IBTK: variants seen among roughly 807,000 people sequenced by gnomAD.
IBTK encodes the protein inhibitor of Bruton tyrosine kinase, also known as BTK-binding protein.
A neutral mutation model predicts 154.9 loss-of-function variants in IBTK; 83 were observed. The observed-to-expected ratio is 0.54, with a 90% CI of 0.45 to 0.64. The LOEUF (loss-of-function observed/expected upper bound fraction) is 0.64, where lower values mean the gene tolerates loss of function less well. IBTK is among the 30% of genes least tolerant of loss of function. IBTK has a pLI of 0.00. For missense variants in IBTK, 1,332 were observed against 1,584.6 expected (o/e 0.84, Z 2.71); for synonymous variants, 515 against 536.1 (o/e 0.96, Z 0.54).
In IBTK at chr6:82,212,719, C is replaced by G; in HGVS notation, c.2279G>C (p.Ser760Thr). ...AKNTGNKLKLSQKKCSFLCDV... is the reference protein window; with the variant it reads ...AKNTGNKLKLTQKKCSFLCDV... ...TTTCCTTACTTACCATTTTTTCTGACTTAGCTTCAGTTTATTACCAGTGTT... is the reference window on the plus strand; with the variant it reads ...TTTCCTTACTTACCATTTTTTCTGAGTTAGCTTCAGTTTATTACCAGTGTT... Residue 760 changes from serine (S) to threonine (T), a missense_variant, in exon 13 of 29, where the codon AGT (serine) becomes ACT (threonine). Ser to Thr is a moderately conservative substitution (Grantham distance 58). Transcript: ENST00000306270. The G allele has an allele frequency of 6.3e-7, 1 of 1,591,360 alleles. No homozygotes were observed. Among genetic ancestry groups the G allele is most frequent in the Non-Finnish European group, 8.6e-7 (1 of 1,159,758 alleles).
intron 25 of IBTK, among the ~76,000 whole-genome samples, chr6:82,186,744 T>A (rs1042641148): frequency 1.5e-4 from 23 of 152,100 alleles, no homozygotes. Context: ...AGATTACCCA[T>A]AACATCTATA....
intron 26 of IBTK, among the ~76,000 whole-genome samples, chr6:82,177,259 G>C (rs1283745643): frequency 6.6e-6 from 1 of 151,990 alleles, no homozygotes; most frequent in Non-Finnish European, 1.5e-5. Context: ...GCTCAGGCTG[G>C]AGTGCGGTGA....
At chr6:82,224,044 A>T (rs1770203928) in intron 7 of IBTK, 24 bp downstream of exon 7, 1 of 1,213,114 alleles carries the variant, frequency 8.2e-7, no homozygotes, top group Non-Finnish European at 1.2e-6. Flanking sequence ...TAATTTCCAG[A>T]TATTGTCATT....
At chr6:82,178,795 G>T (rs1351858940) in intron 26 of IBTK, among the ~76,000 whole-genome samples, 1 of 152,166 alleles carries the variant, frequency 6.6e-6, no homozygotes, top group Admixed American at 6.5e-5. Context: ...TAACTGAATA[G>T]ATATTGAAAG....
Position 82,231,709 on chromosome 6 carries a change from C to T in IBTK, c.543+9G>A, listed in dbSNP as rs944244123. 21 of 1,589,454 alleles carry T rather than the reference C, an allele frequency of 1.3e-5. No individual in the cohort carries two copies. Among genetic ancestry groups the T allele is most frequent in the Non-Finnish European group, 1.6e-5 (19 of 1,170,196 alleles). On this transcript the variant is annotated intron_variant, in intron 4 of 28. Transcript: ENST00000306270. The stretch of plus-strand genomic sequence containing the variant: ...CTCTAAAAGTATATAGATTGTACTT[C>T]AAAAATACCTGCTTGATATAAATCC...
intron 17 of IBTK, among the ~76,000 whole-genome samples, chr6:82,203,367 T>C (rs1363069345): frequency 1.3e-5 from 2 of 152,144 alleles, no homozygotes; most frequent in Non-Finnish European, 2.9e-5. Flanking sequence ...TTTTCTTAAT[T>C]ACTCTATCAG....
At chr6:82,242,013 C>G (rs912086553) in intron 1 of IBTK, among the ~76,000 whole-genome samples, 1 of 152,214 alleles carries the variant, frequency 6.6e-6, no homozygotes, top group Non-Finnish European at 1.5e-5. Context: ...CACCTGGAAA[C>G]TAGATGATTA....
At chr6:82,211,279 T>A in intron 15 of IBTK, 88 bp downstream of exon 15, 5 of 1,027,418 alleles carry the variant, frequency 4.9e-6, no homozygotes, top group Non-Finnish European at 7.1e-6. Context: ...AATATCCAGT[T>A]CTGATTTTGA....
In IBTK at chr6:82,200,184, T is replaced by C; in HGVS notation, c.2982A>G (p.Gly994=). 6.2e-7 allele frequency: 1 copy of C among 1,613,524 alleles called. No individual in the cohort carries two copies. The highest frequency in any genetic ancestry group is 8.5e-7 in the Non-Finnish European group (1 of 1,179,656). The part of the protein sequence containing the change: ...KKPRKRSDSS[G]GYNLSDIIQS... ...GAATAATATCTGAAAGGTTATAACC[T>C]CCAGAACTATCTGAACGTTTACGTG... Residue 994 remains glycine (G), a synonymous_variant, in exon 21 of 29, where the codon GGA becomes GGG. Transcript: ENST00000306270.
chr6:82,198,629 C>T (rs1769090085), intron 21 of IBTK, among the ~76,000 whole-genome samples: 1 of 151,922 alleles, frequency 6.6e-6, no homozygotes, highest in Non-Finnish European at 1.5e-5. Flanking sequence ...AAACAATGTA[C>T]TCTTCTATTT....
chr6:82,206,379 C>T (rs752633072), intron 16 of IBTK, among the ~76,000 whole-genome samples: 28 of 151,962 alleles, frequency 1.8e-4, no homozygotes, highest in African/African-American at 6.0e-4. Context: ...GCCTTTTATA[C>T]GGGGGCAAAC....
chr6:82,184,716 A>G (rs1768476364), intron 25 of IBTK, among the ~76,000 whole-genome samples: 1 of 152,214 alleles, frequency 6.6e-6, no homozygotes, highest in Non-Finnish European at 1.5e-5. Context: ...CAAACTAGTG[A>G]AAATCCTACC....
intron 11 of IBTK, among the ~76,000 whole-genome samples, chr6:82,215,482 C>T (rs574731186): frequency 5.9e-5 from 9 of 152,100 alleles, no homozygotes; most frequent in African/African-American, 1.9e-4. Flanking sequence ...CAGGGTACAT[C>T]ATACAGTATG....
At chr6:82,182,233 G>C (rs1768349026) in intron 25 of IBTK, among the ~76,000 whole-genome samples, 1 of 151,976 alleles carries the variant, frequency 6.6e-6, no homozygotes, top group Admixed American at 6.6e-5. Context: ...ACCAAGTCTA[G>C]AGATAACTCA....
chr6:82,171,300 G>T lies in IBTK; in HGVS notation c.*125C>A, dbSNP rs1767920254. On this transcript the variant is annotated 3_prime_UTR_variant, in exon 29 of 29. Transcript: ENST00000306270. ...CATTATATGATTTAACTGCAGTAAAGAAATTATATCTTTTCTTAATCTATT... is the reference window on the plus strand; with the variant it reads ...CATTATATGATTTAACTGCAGTAAATAAATTATATCTTTTCTTAATCTATT... 7.4e-6 allele frequency: 5 copies of T among 676,090 alleles called. No homozygotes were observed. The highest frequency in any genetic ancestry group is 5.6e-5 in the African/African-American group (3 of 53,938). The allele number at this position is 676,090 out of a possible 1,614,324, so 41.9% of individuals were successfully genotyped here.
intron 4 of IBTK, among the ~76,000 whole-genome samples, chr6:82,230,359 T>TA (rs2127823867): frequency 6.6e-6 from 1 of 152,308 alleles, no homozygotes; most frequent in African/African-American, 2.4e-5. Context: ...AAAAAGTTCT[T>TA]ACATTCCAAG....
At chr6:82,220,039 G>A (rs1171428632) in intron 9 of IBTK, among the ~76,000 whole-genome samples, 2 of 151,636 alleles carry the variant, frequency 1.3e-5, no homozygotes, top group South Asian at 2.1e-4. Context: ...GCGAAACCCC[G>A]TCTCTACTAA....
At chr6:82,240,144 A>G in intron 2 of IBTK, 22 bp downstream of exon 2, 1 of 1,577,716 alleles carries the variant, frequency 6.3e-7, no homozygotes, top group South Asian at 1.1e-5. Context: ...AAATACGTTT[A>G]AAATAAACAA....
intron 2 of IBTK, 48 bp downstream of exon 2, chr6:82,240,118 A>G: frequency 6.7e-7 from 1 of 1,491,302 alleles, no homozygotes; most frequent in Non-Finnish European, 9.1e-7. Context: ...TGATTAAGAA[A>G]AACATATTCC....
Sources: allele counts gnomAD v4.1 joint callset (sites outside exome capture counted in the v4.1 genomes callset), GRCh38; gene constraint gnomAD v4.1.1; transcripts MANE v1.5; gene names NCBI Gene and HGNC (gene_info 2026-07-23, HGNC 2026-07-21).